The following PARVA variants were observed in gnomAD, a reference collection of about 807,000 sequenced individuals.
PARVA encodes the protein alpha-parvin.
A neutral mutation model predicts 52.6 loss-of-function variants in PARVA; 25 were observed. The ratio of observed to expected loss-of-function variants is 0.48; its 90% CI spans 0.35 to 0.66. The LOEUF is 0.66. PARVA is among the 30% of genes least tolerant of loss of function. The pLI is 0.01. For synonymous variants in PARVA, 185 were observed against 179.1 expected (o/e 1.03, Z -0.26); for missense variants, 373 against 450.9 (o/e 0.83, Z 1.56).
At chr11:12,443,169 C>CTTCTTTTT (rs1326822141) in intron 1 of PARVA, among the ~76,000 whole-genome samples, 6 of 78,330 alleles carry the variant, frequency 7.7e-5, no homozygotes, top group African/African-American at 3.0e-4. Context: ...CGCCCCCCTT[C>CTTCTTTTT]TTTTTTTTTT....
chr11:12,495,803 G>A (rs1319835559), intron 4 of PARVA, among the ~76,000 whole-genome samples: 2 of 152,156 alleles, frequency 1.3e-5, no homozygotes, highest in East Asian at 3.9e-4. Context: ...GGCTTATTGA[G>A]ACATGTAAGT....
chr11:12,432,193 G>A (rs1940324889), intron 1 of PARVA, among the ~76,000 whole-genome samples: 1 of 152,042 alleles, frequency 6.6e-6, no homozygotes, highest in Admixed American at 6.6e-5. Flanking sequence ...TTTCTCACCT[G>A]TCTCTTGAAA....
Position 12,377,800 on chromosome 11 carries a change from C to T in PARVA, c.136+17C>T. 3 of 1,474,878 alleles carry T rather than the reference C, an allele frequency of 2.0e-6. No individual in the cohort carries two copies. The highest frequency in any genetic ancestry group is 1.8e-6 in the Non-Finnish European group (2 of 1,113,514). The allele number at this position is 1,474,878 out of a possible 1,614,324, so 91.4% of individuals were successfully genotyped here. A position where few individuals can be genotyped will look rare whatever the true frequency, so the allele number is the denominator to read the frequency against. On this transcript the variant is annotated intron_variant, in intron 1 of 12. Coordinates refer to ENST00000334956, the MANE Select transcript of PARVA (RefSeq NM_018222.5). ...CCAAGGAGGGTGAGTGCGGCCAGGCCGGCCGGGCGGGCGGTAGGAGCCGGG... is the reference window on the plus strand; with the variant it reads ...CCAAGGAGGGTGAGTGCGGCCAGGCTGGCCGGGCGGGCGGTAGGAGCCGGG...
At chr11:12,506,734 C>T (rs1435172231) in intron 6 of PARVA, among the ~76,000 whole-genome samples, 1 of 152,160 alleles carries the variant, frequency 6.6e-6, no homozygotes, top group Non-Finnish European at 1.5e-5. Flanking sequence ...TTTGCTTTAT[C>T]AAGTTGAACA....
At chr11:12,446,608 A>G (rs1425667879) in intron 1 of PARVA, among the ~76,000 whole-genome samples, 1 of 152,258 alleles carries the variant, frequency 6.6e-6, no homozygotes, top group East Asian at 1.9e-4. Context: ...GCTAGGATCA[A>G]TGAATATTAT....
chr11:12,446,402 A>G (rs1940548263), intron 1 of PARVA, among the ~76,000 whole-genome samples: 3 of 152,222 alleles, frequency 2.0e-5, no homozygotes, highest in Non-Finnish European at 2.9e-5. Flanking sequence ...AGAAGGCATT[A>G]TAATTTTTTT....
chr11:12,464,233 T>C (rs1446233384), intron 1 of PARVA, among the ~76,000 whole-genome samples: 1 of 152,106 alleles, frequency 6.6e-6, no homozygotes, highest in African/African-American at 2.4e-5. Context: ...CTTAGAGAGA[T>C]ATACACATAT....
intron 8 of PARVA, among the ~76,000 whole-genome samples, chr11:12,512,877 G>T (rs1941520099): frequency 6.6e-6 from 1 of 152,172 alleles, no homozygotes. Flanking sequence ...CCCTCTGCCA[G>T]CTTGTTTGTC....
intron 8 of PARVA, among the ~76,000 whole-genome samples, chr11:12,511,965 CAA>C (rs1941508080): frequency 6.6e-6 from 1 of 152,102 alleles, no homozygotes; most frequent in African/African-American, 2.4e-5. Flanking sequence ...GATGGATAAA[CAA>C]CAATCAAAAA....
chr11:12,460,973 A>C (rs1303201959), intron 1 of PARVA, among the ~76,000 whole-genome samples: 1 of 152,180 alleles, frequency 6.6e-6, no homozygotes, highest in African/African-American at 2.4e-5. Flanking sequence ...GACTTGGTTC[A>C]GGACTGTGTG....
intron 4 of PARVA, among the ~76,000 whole-genome samples, chr11:12,481,973 C>A (rs201538168): frequency 6.6e-6 from 1 of 151,558 alleles, no homozygotes; most frequent in East Asian, 2.0e-4. Flanking sequence ...AGTTCGAGAC[C>A]AGCCTGACCA....
intron 1 of PARVA, among the ~76,000 whole-genome samples, chr11:12,398,776 C>T (rs989084657): frequency 6.6e-6 from 1 of 152,060 alleles, no homozygotes; most frequent in African/African-American, 2.4e-5. Context: ...ATATAAAGCA[C>T]TTAATATTCC....
intron 1 of PARVA, among the ~76,000 whole-genome samples, chr11:12,379,072 A>G (rs1406511295): frequency 6.6e-6 from 1 of 152,204 alleles, no homozygotes; most frequent in Non-Finnish European, 1.5e-5. Context: ...TTTTTAGACC[A>G]TATAGGGTAA....
At chr11:12,440,116 C>A (rs557261683) in intron 1 of PARVA, among the ~76,000 whole-genome samples, 3 of 152,212 alleles carry the variant, frequency 2.0e-5, no homozygotes, top group African/African-American at 7.2e-5. Flanking sequence ...GCACCTGGAA[C>A]AATTCTTGAC....
intron 1 of PARVA, among the ~76,000 whole-genome samples, chr11:12,439,633 A>C (rs1940434839): frequency 6.6e-6 from 1 of 152,038 alleles, no homozygotes; most frequent in Admixed American, 6.6e-5. Context: ...CCGTGTCACT[A>C]CCTCGCAGTA....
At chr11:12,503,400 ATGCTTATGGTGAT>A (rs1245599646) in intron 5 of PARVA, among the ~76,000 whole-genome samples, 1 of 152,154 alleles carries the variant, frequency 6.6e-6, no homozygotes, top group Admixed American at 6.5e-5. Context: ...CAGAGCAGAC[ATGCTTATGGTGAT>A]TGGAGTGGAG....
rs1451987665 is a variant in PARVA, at chr11:12,406,764, A to G, written c.136+28981A>G. ...CGGCTCACTGCAAGCTCCGCCTCCC[A>G]GGTTCATACCATTCTCCTGCCTCGG... On this transcript the variant is annotated intron_variant, in intron 1 of 12. Transcript: ENST00000334956. Among the ~76,000 whole-genome samples, 7 of 135,792 alleles carry G rather than the reference A, an allele frequency of 5.2e-5. No individual in the cohort carries two copies. In the Admixed American group the frequency reaches 6.2e-4, roughly 12 times the overall value. 89.1% of individuals were successfully genotyped at this position (135,792 alleles called of 152,430 possible).
At chr11:12,478,398 C>T (rs1420580756) in intron 4 of PARVA, 1 of 283,620 alleles carries the variant, frequency 3.5e-6, no homozygotes, top group South Asian at 3.8e-5. Context: ...GTATTCCTCC[C>T]TGGGTCACTT....
intron 1 of PARVA, among the ~76,000 whole-genome samples, chr11:12,413,057 A>T (rs1281257822): frequency 6.6e-6 from 1 of 152,190 alleles, no homozygotes; most frequent in East Asian, 1.9e-4. Context: ...GCTCTTGTGC[A>T]TTGGGTGCCA....
Sources: gnomAD v4.1 joint callset for allele counts (sites outside exome capture counted in the v4.1 genomes callset) on GRCh38, gnomAD v4.1.1 for gene constraint, MANE v1.5 for transcripts, NCBI Gene and HGNC (gene_info 2026-07-23, HGNC 2026-07-21) for gene names.